FNIP1: variants seen among roughly 807,000 people sequenced by gnomAD.
FNIP1 encodes folliculin interacting protein 1, also known as folliculin-interacting protein 1.
FNIP1 carries 40 observed loss-of-function variants against 124.5 expected under a neutral mutation model. The observed-to-expected ratio is 0.32, with a 90% CI of 0.25 to 0.42. The LOEUF is 0.42. FNIP1 is among the 10% of genes least tolerant of loss of function. The pLI is 1.00. For synonymous variants in FNIP1, 472 were observed against 470.6 expected (o/e 1.00, Z -0.04); for missense variants, 1,176 against 1,403.7 (o/e 0.84, Z 2.59).
intron 15 of FNIP1, among the ~76,000 whole-genome samples, chr5:131,663,067 T>C (rs746451848): frequency 1.9e-4 from 29 of 152,278 alleles, no homozygotes; most frequent in Non-Finnish European, 3.2e-4. Context: ...ATCTTATAAA[T>C]CATTTACCAT....
intron 1 of FNIP1, chr5:131,795,989 C>T (rs1207052852): frequency 2.6e-5 from 4 of 152,126 alleles, no homozygotes; most frequent in African/African-American, 9.7e-5. Context: ...CTAAATTTTA[C>T]CTTGAATTCA....
chr5:131,716,305 G>A (rs942965283), intron 6 of FNIP1, among the ~76,000 whole-genome samples: 2 of 151,944 alleles, frequency 1.3e-5, no homozygotes, highest in African/African-American at 2.4e-5. Flanking sequence ...ATTTAACAAC[G>A]AAAAACAATG....
chr5:131,665,963 G>A (rs144455785), intron 15 of FNIP1, among the ~76,000 whole-genome samples: 2,680 of 146,546 alleles, frequency 0.018, 90 homozygotes, highest in African/African-American at 0.065. Context: ...GTGCAGTGGC[G>A]TGATCTCACC....
At position 131,778,415 on chromosome 5, in the gene FNIP1, T is replaced by A. The variant is rs191642670; in HGVS notation, c.92+18415A>T. ...AAAAAATGCTCATCATCACTGGCCATCAGAGAAAGGCAAATCAAAACCACT... is the reference window on the plus strand; with the variant it reads ...AAAAAATGCTCATCATCACTGGCCAACAGAGAAAGGCAAATCAAAACCACT... On this transcript the variant is annotated intron_variant, in intron 1 of 17. Transcript: ENST00000510461. Among the ~76,000 whole-genome samples, 1,311 of 151,678 alleles carry A rather than the reference T, an allele frequency of 8.6e-3. 18 individuals are homozygous for A. In the Middle Eastern group the frequency reaches 0.088, roughly 10 times the overall value.
chr5:131,660,203 G>A (rs1250490772), intron 15 of FNIP1, among the ~76,000 whole-genome samples: 1 of 152,128 alleles, frequency 6.6e-6, no homozygotes, highest in Non-Finnish European at 1.5e-5. Context: ...TGGTGGTCCA[G>A]GCTACAGTTT....
At chr5:131,762,439 A>C (rs1771262480) in intron 1 of FNIP1, among the ~76,000 whole-genome samples, 2 of 152,176 alleles carry the variant, frequency 1.3e-5, no homozygotes, top group Non-Finnish European at 1.5e-5. Flanking sequence ...TAGGCAAAAG[A>C]CCTGAATAGA....
rs569608027 is a variant in FNIP1, at chr5:131,730,159, G to C, written c.354+745C>G. ...ATTTGTTAAGGTATCATGCCTAAAG[G>C]GGAGATGGAATAGAAGAAGGCAGGG... is the stretch of plus-strand genomic sequence containing the variant. On this transcript the variant is annotated intron_variant, in intron 3 of 17. Transcript: ENST00000510461. 4.6e-5 allele frequency among the ~76,000 whole-genome samples: 7 copies of C among 152,320 alleles called. No homozygotes were observed. In the South Asian group the frequency reaches 1.5e-3, roughly 32 times the overall value.
At chr5:131,752,174 G>T (rs181471458) in intron 1 of FNIP1, among the ~76,000 whole-genome samples, 2 of 152,152 alleles carry the variant, frequency 1.3e-5, no homozygotes, top group East Asian at 3.9e-4. Flanking sequence ...CTCCCGAGTA[G>T]CTGGGACTAC....
Position 131,716,578 on chromosome 5 carries a change from C to T in FNIP1, c.609G>A (p.Leu203=), listed in dbSNP as rs749753492. 2.5e-6 allele frequency: 4 copies of T among 1,595,620 alleles called. No individual in the cohort carries two copies. The South Asian group carries it at 3.4e-5, about 14-fold the overall frequency. Residue 203 remains leucine, a synonymous_variant, in exon 6 of 18, where the codon CTG becomes CTA. Coordinates refer to ENST00000510461, the MANE Select transcript of FNIP1 (RefSeq NM_133372.3). ...GGAACCATTTACCTATATTTCCAAGCAGTCCATTAATAACTGTGTTATTAT... is the reference window on the plus strand; with the variant it reads ...GGAACCATTTACCTATATTTCCAAGTAGTCCATTAATAACTGTGTTATTAT... The part of the protein sequence containing the change: ...KADNNTVING[L]LGNIGLSQFC...
intron 10 of FNIP1, among the ~76,000 whole-genome samples, chr5:131,703,678 A>T (rs1768978892): frequency 6.6e-6 from 1 of 152,186 alleles, no homozygotes. Context: ...AAAAATTAGT[A>T]ATCCTTCCTT....
Position 131,712,990 on chromosome 5 carries a change from CT to C in FNIP1, c.623-2330del, listed in dbSNP as rs1769347335. ...GATGCTGATTATATTACACTGTAAA[CT>C]TTTTTCCCATGTAACACACTCTCTG... On this transcript the variant is annotated intron_variant, in intron 6 of 17. Transcript: ENST00000510461. 2.0e-5 allele frequency among the ~76,000 whole-genome samples: 3 copies of C among 152,128 alleles called. No homozygotes were observed. The South Asian group carries it at 6.2e-4, about 32-fold the overall frequency.
chr5:131,652,914 A>G (rs1767082386), intron 15 of FNIP1, among the ~76,000 whole-genome samples: 1 of 152,130 alleles, frequency 6.6e-6, no homozygotes, highest in African/African-American at 2.4e-5. Flanking sequence ...CAGTGATCTA[A>G]AACTGTGCCA....
At chr5:131,760,425 T>C (rs539442176) in intron 1 of FNIP1, among the ~76,000 whole-genome samples, 1 of 152,298 alleles carries the variant, frequency 6.6e-6, no homozygotes, top group South Asian at 2.1e-4. Flanking sequence ...TCAACTCTTT[T>C]CCTTATCAAT....
intron 8 of FNIP1, among the ~76,000 whole-genome samples, chr5:131,708,590 G>A (rs573961520): frequency 6.6e-6 from 1 of 152,058 alleles, no homozygotes; most frequent in South Asian, 2.1e-4. Flanking sequence ...GTGCTCTTTC[G>A]CTGAAGCTTT....
At chr5:131,735,537 T>G (rs567650495) in intron 2 of FNIP1, among the ~76,000 whole-genome samples, 1 of 148,310 alleles carries the variant, frequency 6.7e-6, no homozygotes, top group African/African-American at 2.5e-5. Flanking sequence ...TATACGTATT[T>G]ATATACATGT....
At chr5:131,692,177 G>T (rs752695310) in intron 11 of FNIP1, among the ~76,000 whole-genome samples, 1 of 152,078 alleles carries the variant, frequency 6.6e-6, no homozygotes, top group Non-Finnish European at 1.5e-5. Context: ...ACAACTGTTG[G>T]AACTAATAAA....
chr5:131,744,833 T>C (rs549726175), intron 1 of FNIP1, 143 bp from the exon 2 acceptor site: 1 of 527,846 alleles, frequency 1.9e-6, no homozygotes, highest in South Asian at 8.5e-5. Context: ...ATATTAAATA[T>C]CACCAGTTCA....
At chr5:131,757,452 A>G (rs1771085843) in intron 1 of FNIP1, among the ~76,000 whole-genome samples, 1 of 152,194 alleles carries the variant, frequency 6.6e-6, no homozygotes, top group Non-Finnish European at 1.5e-5. Flanking sequence ...CCAATAACAA[A>G]ATAGAGGAAA....
chr5:131,716,156 A>G (rs1490620886), intron 6 of FNIP1, among the ~76,000 whole-genome samples: 1 of 152,232 alleles, frequency 6.6e-6, no homozygotes, highest in Non-Finnish European at 1.5e-5. Flanking sequence ...CAGGTCACAA[A>G]AACAAGCATC....
Sources: allele counts gnomAD v4.1 joint callset (sites outside exome capture counted in the v4.1 genomes callset), GRCh38; gene constraint gnomAD v4.1.1; transcripts MANE v1.5; gene names NCBI Gene and HGNC (gene_info 2026-07-23, HGNC 2026-07-21).